The following KCNH1 variants were observed in gnomAD, a reference collection of about 807,000 sequenced individuals.
KCNH1 encodes the protein voltage-gated delayed rectifier potassium channel KCNH1.
KCNH1 carries 27 observed loss-of-function variants against 69.2 expected under a neutral mutation model. That is an observed-to-expected ratio of 0.39 (90% CI 0.29 to 0.54). KCNH1 has a LOEUF of 0.54. Ranked by LOEUF, KCNH1 falls within the 20% of genes least tolerant of loss-of-function variation. The pLI, the probability that KCNH1 is intolerant of heterozygous loss-of-function variation, is 0.68. For synonymous variants in KCNH1, 456 were observed against 487.7 expected (o/e 0.93, Z 0.86); for missense variants, 798 against 1,261.6 (o/e 0.63, Z 5.57).
At chr1:211,053,520 A>G (rs950060058) in intron 5 of KCNH1, among the ~76,000 whole-genome samples, 1 of 152,210 alleles carries the variant, frequency 6.6e-6, no homozygotes, top group African/African-American at 2.4e-5. Context: ...TCTCTATTCC[A>G]TATCTCAAAG....
chr1:211,013,866 C>T (rs943257895), intron 6 of KCNH1, among the ~76,000 whole-genome samples: 4 of 152,198 alleles, frequency 2.6e-5, no homozygotes, highest in Non-Finnish European at 5.9e-5. Context: ...CACTGCCATA[C>T]AGAGTTAGGA....
rs1200054650 is a variant in KCNH1, at chr1:210,860,543, T to C, written c.1463-56377A>G. ...AATGTCATTGCCAACTGTTGTGTCA[T>C]TTCTACTGCAATAGGAGTAACTTCT... On this transcript the variant is annotated intron_variant, in intron 7 of 10. Coordinates refer to ENST00000271751, the MANE Select transcript of KCNH1 (RefSeq NM_172362.3). The C allele has an allele frequency of 5.4e-5, 46 of 859,382 alleles. No homozygotes were observed. The South Asian group carries it at 5.9e-4, about 11-fold the overall frequency. The allele number at this position is 859,382 out of a possible 1,614,324, so 53.2% of individuals were successfully genotyped here. A position where few individuals can be genotyped will look rare whatever the true frequency, so the allele number is the denominator to read the frequency against.
intron 7 of KCNH1, among the ~76,000 whole-genome samples, chr1:210,820,763 G>A (rs957528189): frequency 2.0e-5 from 3 of 152,106 alleles, no homozygotes; most frequent in Admixed American, 1.3e-4. Context: ...GGGGAAAAAG[G>A]TCAAAGGCAG....
At chr1:210,810,754 T>A (rs1574270491) in intron 7 of KCNH1, among the ~76,000 whole-genome samples, 1 of 152,228 alleles carries the variant, frequency 6.6e-6, no homozygotes, top group Admixed American at 6.5e-5. Context: ...TAAGCCTATT[T>A]TTAAGTTGAC....
chr1:210,857,472 G>C (rs549719904), intron 7 of KCNH1, among the ~76,000 whole-genome samples: 4 of 152,156 alleles, frequency 2.6e-5, no homozygotes, highest in South Asian at 2.1e-4. Flanking sequence ...GGGTGAGGGG[G>C]AACTGTCTGG....
At chr1:210,726,345 A>G (rs1308290140) in intron 10 of KCNH1, among the ~76,000 whole-genome samples, 4 of 152,342 alleles carry the variant, frequency 2.6e-5, no homozygotes, top group Middle Eastern at 3.4e-3. Context: ...CATGAATCCA[A>G]TTACAACTAA....
chr1:211,013,935 G>A (rs961384801), intron 6 of KCNH1, among the ~76,000 whole-genome samples: 13 of 152,182 alleles, frequency 8.5e-5, no homozygotes, highest in African/African-American at 3.1e-4. Flanking sequence ...AGGAAAACTT[G>A]TCATGCTGTC....
At chr1:210,927,106 T>C (rs1256521814) in intron 6 of KCNH1, among the ~76,000 whole-genome samples, 1 of 152,236 alleles carries the variant, frequency 6.6e-6, no homozygotes, top group Non-Finnish European at 1.5e-5. Flanking sequence ...TTGGTATTCC[T>C]GGGGAAGAAG....
At chr1:210,948,033 C>T (rs1161512060) in intron 6 of KCNH1, among the ~76,000 whole-genome samples, 3 of 144,336 alleles carry the variant, frequency 2.1e-5, no homozygotes, top group Non-Finnish European at 3.0e-5. Context: ...CATAGTGAGA[C>T]CCCATCCCTA....
intron 10 of KCNH1, among the ~76,000 whole-genome samples, chr1:210,738,438 T>C (rs927457945): frequency 2.0e-5 from 3 of 152,026 alleles, no homozygotes; most frequent in African/African-American, 7.3e-5. Context: ...GGAAAATCGA[T>C]GTTCTCTTCT....
At chr1:210,744,373 C>T (rs1416180131) in intron 10 of KCNH1, among the ~76,000 whole-genome samples, 3 of 152,186 alleles carry the variant, frequency 2.0e-5, no homozygotes, top group South Asian at 2.1e-4. Flanking sequence ...GAGCCGGACA[C>T]GGTGGCTCAC....
chr1:211,056,784 A>G (rs184178526), intron 5 of KCNH1, among the ~76,000 whole-genome samples: 24 of 152,358 alleles, frequency 1.6e-4, no homozygotes, highest in African/African-American at 5.0e-4. Flanking sequence ...AAGTTCACTC[A>G]AGACCACCAA....
intron 7 of KCNH1, chr1:210,860,160 A>G: frequency 8.6e-7 from 1 of 1,160,518 alleles, no homozygotes; most frequent in Non-Finnish European, 1.3e-6. Flanking sequence ...TATCAGACAG[A>G]AGTGTCTTGG....
chr1:210,717,268 G>C lies in KCNH1; in HGVS notation c.2113-33130C>G, dbSNP rs141390589. On this transcript the variant is annotated intron_variant, in intron 10 of 10. Coordinates refer to ENST00000271751, the MANE Select transcript of KCNH1 (RefSeq NM_172362.3). ...GGCCTAGGGCTGAAAGCATATAACT[G>C]ACTGGCAGTTATCCCTGTGCTCAAC... Among the ~76,000 whole-genome samples the C allele has an allele frequency of 4.3e-3, 651 of 152,316 alleles. 1 individual carries two copies. The highest frequency in any genetic ancestry group is 0.015 in the African/African-American group (614 of 41,560).
intron 5 of KCNH1, among the ~76,000 whole-genome samples, chr1:211,032,408 C>A (rs1387547754): frequency 6.6e-6 from 1 of 152,172 alleles, no homozygotes; most frequent in Non-Finnish European, 1.5e-5. Context: ...TTGGAAAAAA[C>A]TACTTTAAAG....
rs189294361 is a variant in KCNH1, at chr1:211,037,197, G to A, written c.559-17941C>T. Among the ~76,000 whole-genome samples the A allele has an allele frequency of 2.4e-3, 359 of 152,246 alleles. 2 individuals carry two copies. Among genetic ancestry groups the A allele is most frequent in the African/African-American group, 8.2e-3 (339 of 41,550 alleles). On this transcript the variant is annotated intron_variant, in intron 5 of 10. Coordinates refer to ENST00000271751, the MANE Select transcript of KCNH1 (RefSeq NM_172362.3). Reference sequence around the variant, plus strand: ...AAAATGGAGGCTTTGTAATAATGGAGGTGACATGACTCACCCTGAGTCATG... The same window carrying A: ...AAAATGGAGGCTTTGTAATAATGGAAGTGACATGACTCACCCTGAGTCATG...
chr1:211,091,464 G>A lies in KCNH1; in HGVS notation c.311-774C>T, dbSNP rs758870984. ...ATTACAGGCATAAGCCACTGCATCC[G>A]GCCCAGAAACTATATTTCTACATCC... is the stretch of plus-strand genomic sequence containing the variant. On this transcript the variant is annotated intron_variant, in intron 3 of 10. Transcript: ENST00000271751. Among the ~76,000 whole-genome samples the A allele has an allele frequency of 7.2e-5, 11 of 151,900 alleles. No individual in the cohort carries two copies. In the East Asian group the frequency reaches 7.7e-4, roughly 11 times the overall value.
At chr1:210,855,883 C>CA (rs1685824911) in intron 7 of KCNH1, among the ~76,000 whole-genome samples, 1 of 152,020 alleles carries the variant, frequency 6.6e-6, no homozygotes. Flanking sequence ...CATTCATTTG[C>CA]AAAAAATAAT....
At chr1:210,707,638 C>T (rs973737026) in intron 10 of KCNH1, among the ~76,000 whole-genome samples, 1 of 152,176 alleles carries the variant, frequency 6.6e-6, no homozygotes, top group South Asian at 2.1e-4. Context: ...ATCTTCACCA[C>T]GTTGCTGGTT....
Sources: allele counts gnomAD v4.1 joint callset (sites outside exome capture counted in the v4.1 genomes callset), GRCh38; gene constraint gnomAD v4.1.1; transcripts MANE v1.5; gene names NCBI Gene and HGNC (gene_info 2026-07-23, HGNC 2026-07-21).